GPR108: variants seen among roughly 807,000 people sequenced by gnomAD.
GPR108 encodes G protein-coupled receptor 108.
GPR108 carries 60 observed loss-of-function variants against 74.3 expected under a neutral mutation model. The observed-to-expected ratio is 0.81, with a 90% CI of 0.66 to 1.00. The LOEUF is 1.00. Ranked by LOEUF, GPR108 falls within the 50% of genes least tolerant of loss-of-function variation. GPR108 has a pLI of 0.00. For missense variants in GPR108, 667 were observed against 703.3 expected (o/e 0.95, Z 0.58); for synonymous variants, 311 against 292.4 (o/e 1.06, Z -0.65).
chr19:6,731,843 A>C, intron 14 of GPR108, 48 bp downstream of exon 14: 1 of 1,601,848 alleles, frequency 6.2e-7, no homozygotes, highest in Non-Finnish European at 8.5e-7. Flanking sequence ...AAGGGCCCGG[A>C]GGAGGAATGG....
chr19:6,735,144 G>A (rs1442785107), intron 4 of GPR108, among the ~76,000 whole-genome samples: 1 of 152,046 alleles, frequency 6.6e-6, no homozygotes, highest in Non-Finnish European at 1.5e-5. Flanking sequence ...CTTTTGCCTC[G>A]GCCTCCCAAA....
Position 6,729,976 on chromosome 19 carries a change from A to C in GPR108, c.*336T>G. On this transcript the variant is annotated 3_prime_UTR_variant, in exon 18 of 18. Coordinates refer to ENST00000264080, the MANE Select transcript of GPR108 (RefSeq NM_001080452.2). ...GACCCTGTGCCCGCGCCCCCGCCAC[A>C]CACAGCGAAAACAGGTTTCTACATT... 3.3e-6 allele frequency: 1 copy of C among 300,238 alleles called. No individual in the cohort carries two copies. 18.6% of individuals were successfully genotyped at this position (300,238 alleles called of 1,614,324 possible). A position where few individuals can be genotyped will look rare whatever the true frequency, so the allele number is the denominator to read the frequency against.
At position 6,730,112 on chromosome 19, in the gene GPR108, G is replaced by C. The variant is rs1968323715; in HGVS notation, c.*200C>G. Reference sequence around the variant, plus strand: ...AGCTGGAAGGGAGGGGTGGTCCCGGGGTAAGGACAGGGCTGCCCAATATTT... The same window carrying C: ...AGCTGGAAGGGAGGGGTGGTCCCGGCGTAAGGACAGGGCTGCCCAATATTT... On this transcript the variant is annotated 3_prime_UTR_variant, in exon 18 of 18. Coordinates refer to ENST00000264080, the MANE Select transcript of GPR108 (RefSeq NM_001080452.2). 3.3e-6 allele frequency: 2 copies of C among 599,234 alleles called. No homozygotes were observed. Among genetic ancestry groups the C allele is most frequent in the Non-Finnish European group, 6.1e-6 (2 of 330,372 alleles). 37.1% of individuals were successfully genotyped at this position (599,234 alleles called of 1,614,324 possible). A position where few individuals can be genotyped will look rare whatever the true frequency, so the allele number is the denominator to read the frequency against.
chr19:6,737,425 C>T (rs1968685369), intron 1 of GPR108, 32 bp downstream of exon 1: 5 of 1,575,898 alleles, frequency 3.2e-6, no homozygotes, highest in African/African-American at 1.4e-5. Flanking sequence ...AGTTGCGCCA[C>T]CGACCCCAGA....
At chr19:6,737,226 C>T (rs1167644586) in intron 1 of GPR108, 3 of 543,030 alleles carry the variant, frequency 5.5e-6, no homozygotes, top group Non-Finnish European at 9.6e-6. Context: ...AGAGATGGAG[C>T]CTCGCCCCCG....
rs370787773 is a variant in GPR108, at chr19:6,731,125, C to T, written c.1435-14G>A. The stretch of plus-strand genomic sequence containing the variant: ...CTCCACCAAGAGCTGGGGGACGGGG[C>T]GGAGTGGGGGCGTCAGGCGCACCCC... On this transcript the variant is annotated splice_polypyrimidine_tract_variant and intron_variant, in intron 16 of 17. Coordinates refer to ENST00000264080, the MANE Select transcript of GPR108 (RefSeq NM_001080452.2). 391 of 1,612,542 alleles carry T rather than the reference C, an allele frequency of 2.4e-4. No homozygotes were observed. The African/African-American group carries it at 4.5e-3, about 18-fold the overall frequency.
intron 4 of GPR108, 182 bp downstream of exon 4, chr19:6,735,440 C>A: frequency 1.7e-6 from 1 of 592,192 alleles, no homozygotes; most frequent in Non-Finnish European, 3.0e-6. Context: ...CCTGAGACAC[C>A]AACACCCGCG....
chr19:6,730,359 C>A lies in GPR108; in HGVS notation c.1585G>T (p.Gly529Cys). The A allele has an allele frequency of 6.2e-7, 1 of 1,613,486 alleles. No homozygotes were observed. The highest frequency in any genetic ancestry group is 8.5e-7 in the Non-Finnish European group (1 of 1,179,896). The part of the protein sequence containing the change: ...QVMTDSGFRE[G>C]LSKVNKTASG... ...GCTGTTTTGTTGACTTTGGAGAGGC[C>A]TTCCCGGAACCCAGAGTCCGTCATT... The change falls in exon 18 of 18, where the codon GGC (glycine) becomes TGC (cysteine). Residue 529 changes from glycine to cysteine, a missense_variant. Transcript: ENST00000264080.
At chr19:6,732,941 G>C (rs753693569) in intron 10 of GPR108, 46 bp downstream of exon 10, 7 of 1,513,300 alleles carry the variant, frequency 4.6e-6, no homozygotes, top group Non-Finnish European at 4.5e-6. Flanking sequence ...GGCCCGGGTG[G>C]GCCTTTCAGC....
chr19:6,736,793 G>A lies in GPR108; in HGVS notation c.121-82C>T, dbSNP rs372430155. 658 of 1,595,162 alleles carry A rather than the reference G, an allele frequency of 4.1e-4. 4 individuals carry two copies. In the South Asian group the frequency reaches 5.4e-3, roughly 13 times the overall value. ...CAGGGGTCTGGCACGAGGACCTCCA[G>A]AAGGGCCTCCTGGTACCCCTCTATT... On this transcript the variant is annotated intron_variant, in intron 1 of 17. Transcript: ENST00000264080.
chr19:6,733,597 T>C lies in GPR108; in HGVS notation c.696A>G (p.Pro232=), dbSNP rs1268307967. ...TGATGTCGAATGGATGCTCCTTTCC[T>C]GGCACTGAATTGTTGCAGTTGTGGA... ...LNFHNCNNSV[P]GKEHPFDITV... Residue 232 remains proline, a synonymous_variant, in exon 8 of 18, where the codon CCA becomes CCG. Coordinates refer to ENST00000264080, the MANE Select transcript of GPR108 (RefSeq NM_001080452.2). The C allele has an allele frequency of 1.2e-6, 2 of 1,614,092 alleles. No homozygotes were observed. The highest frequency in any genetic ancestry group is 2.2e-5 in the East Asian group (1 of 44,896).
chr19:6,732,868 G>T, intron 10 of GPR108, 119 bp downstream of exon 10: 1 of 858,714 alleles, frequency 1.2e-6, no homozygotes. Context: ...AAAATGGGTG[G>T]ACACGTGGAT....
At chr19:6,733,123 G>A (rs376882300) in intron 9 of GPR108, 45 bp downstream of exon 9, 5 of 1,613,308 alleles carry the variant, frequency 3.1e-6, no homozygotes, top group Non-Finnish European at 4.2e-6. Context: ...AGGGATGGGG[G>A]TCTGGTGAAG....
chr19:6,731,814 G>T, intron 14 of GPR108, 77 bp downstream of exon 14: 3 of 1,531,670 alleles, frequency 2.0e-6, no homozygotes, highest in East Asian at 2.3e-5. Context: ...GCCAGGAGGG[G>T]CATCCAAGGG....
intron 2 of GPR108, 95 bp downstream of exon 2, chr19:6,736,497 T>TCA: frequency 7.9e-7 from 1 of 1,269,806 alleles, no homozygotes; most frequent in South Asian, 1.3e-5. Context: ...ATGACGGGAC[T>TCA]TGTACAAGAT....
Position 6,733,321 on chromosome 19 carries a change from G to A in GPR108, c.724-20C>T. ...CATCACCTGCGGAGGGGGCAGTGGT[G>A]GGCGGCGGCAGGGGCACAGCCCGAC... On this transcript the variant is annotated intron_variant, in intron 8 of 17. Coordinates refer to ENST00000264080, the MANE Select transcript of GPR108 (RefSeq NM_001080452.2). 1.9e-6 allele frequency: 3 copies of A among 1,608,940 alleles called. No individual in the cohort carries two copies. The highest frequency in any genetic ancestry group is 2.2e-5 in the East Asian group (1 of 44,790).
chr19:6,732,683 TG>T, intron 10 of GPR108, 134 bp from the exon 11 acceptor site: 1 of 747,994 alleles, frequency 1.3e-6, no homozygotes, highest in Non-Finnish European at 2.3e-6. Context: ...GGACGGTGGG[TG>T]GGACTCAAAA....
intron 4 of GPR108, chr19:6,735,352 G>T (rs920120268): frequency 5.2e-6 from 2 of 383,930 alleles, no homozygotes; most frequent in Admixed American, 4.3e-5. Context: ...TTAAAGCTCC[G>T]GGACACCGGA....
At position 6,733,683 on chromosome 19, in the gene GPR108, G is replaced by A; in HGVS notation, c.619-9C>T. The A allele has an allele frequency of 6.2e-7, 1 of 1,613,162 alleles. No homozygotes were observed. Among genetic ancestry groups the A allele is most frequent in the Non-Finnish European group, 8.5e-7 (1 of 1,179,130 alleles). ...CCGATCACCACGTGGAACTGGGCGGGCGGGGAGAGAGGAGGGCTCAGCCTG... is the reference window on the plus strand; with the variant it reads ...CCGATCACCACGTGGAACTGGGCGGACGGGGAGAGAGGAGGGCTCAGCCTG... On this transcript the variant is annotated splice_polypyrimidine_tract_variant and intron_variant, in intron 7 of 17. Coordinates refer to ENST00000264080, the MANE Select transcript of GPR108 (RefSeq NM_001080452.2).
Sources: allele counts gnomAD v4.1 joint callset (sites outside exome capture counted in the v4.1 genomes callset), GRCh38; gene constraint gnomAD v4.1.1; transcripts MANE v1.5; gene names NCBI Gene and HGNC (gene_info 2026-07-23, HGNC 2026-07-21).